Variants in SCFD2 observed in about 807,000 individuals in gnomAD.
SCFD2 encodes the protein sec1 family domain-containing protein 2.
Under a neutral mutation model 58.9 loss-of-function variants are expected in SCFD2, and 54 were observed. The observed-to-expected ratio is 0.92, with a 90% CI of 0.74 to 1.15. SCFD2 has a LOEUF of 1.15. Among genes scored for constraint, SCFD2 ranks in the 50% most tolerant of loss-of-function variants. The pLI, the probability that SCFD2 is intolerant of heterozygous loss-of-function variation, is 0.00. For missense variants in SCFD2, 805 were observed against 836.6 expected, an observed-to-expected ratio of 0.96 and a Z score of 0.47; for synonymous variants, 321 against 335.9, an observed-to-expected ratio of 0.96 and a Z score of 0.49.
rs569415948 is a variant in SCFD2 at position 52,893,706 on chromosome 4, T to C, written c.1843-7840A>G. Among the ~76,000 whole-genome samples the C allele has an allele frequency of 1.1e-3, 175 of 152,340 alleles. 1 individual carries two copies. The highest frequency in any genetic ancestry group is 2.5e-3 in the South Asian group (12 of 4,822). On this transcript the variant is annotated intron_variant, in intron 7 of 8. Transcript: ENST00000401642. ...AGGCCCTTCCCTGGGAATTCAGGCT[T>C]GACCTAAGATAGATAAGGTTCAGTC... is the stretch of plus-strand genomic sequence containing the variant.
intron 3 of SCFD2, among the ~76,000 whole-genome samples, chr4:53,301,080 G>T (rs1164956501): frequency 6.6e-6 from 1 of 151,996 alleles, no homozygotes; most frequent in East Asian, 1.9e-4. Flanking sequence ...GCTAGCAGAA[G>T]GCAAGAAATA....
In SCFD2 at chr4:53,097,852, T is replaced by C. The variant is rs186962175; in HGVS notation, c.1561+47481A>G. Among the ~76,000 whole-genome samples the C allele has an allele frequency of 4.6e-3, 702 of 152,326 alleles. 2 individuals are homozygous for C. The highest frequency in any genetic ancestry group is 0.016 in the African/African-American group (673 of 41,568). On this transcript the variant is annotated intron_variant, in intron 5 of 8. Coordinates refer to ENST00000401642, the MANE Select transcript of SCFD2 (RefSeq NM_152540.4). ...ATTCAGTATGATATTGGCTGTGGGT[T>C]TGTCATAAATAGCTCTTATTATTTT...
chr4:53,172,668 C>T (rs987328827), intron 4 of SCFD2, among the ~76,000 whole-genome samples: 7 of 152,054 alleles, frequency 4.6e-5, no homozygotes, highest in African/African-American at 1.7e-4. Context: ...TTTCCTGTTA[C>T]TGATTTCTAG....
chr4:53,149,734 G>C (rs1435962405), intron 4 of SCFD2, among the ~76,000 whole-genome samples: 1 of 152,126 alleles, frequency 6.6e-6, no homozygotes, highest in East Asian at 1.9e-4. Context: ...CATGTGATTT[G>C]ATGAGAATGG....
intron 4 of SCFD2, among the ~76,000 whole-genome samples, chr4:53,247,890 A>AT (rs1730159831): frequency 6.6e-6 from 1 of 151,360 alleles, no homozygotes; most frequent in Admixed American, 6.6e-5. Flanking sequence ...AAAAAAAAAA[A>AT]AAATAACAAG....
chr4:53,202,046 A>T (rs1177183579), intron 4 of SCFD2, among the ~76,000 whole-genome samples: 1 of 151,994 alleles, frequency 6.6e-6, no homozygotes, highest in Non-Finnish European at 1.5e-5. Context: ...CCCATTTCTC[A>T]ATTTTGGCTT....
chr4:53,062,882 C>T lies in SCFD2; in HGVS notation c.1561+82451G>A, dbSNP rs576739445. Among the ~76,000 whole-genome samples, 83 of 152,176 alleles carry T rather than the reference C, an allele frequency of 5.5e-4. No individual in the cohort carries two copies. In the South Asian group the frequency reaches 0.012, roughly 22 times the overall value. ...TTTGAGCACCATCCAGGGATTTAGT[C>T]TCTTGAGTAACAAAGCTGGCTTTAT... On this transcript the variant is annotated intron_variant, in intron 5 of 8. Coordinates refer to ENST00000401642, the MANE Select transcript of SCFD2 (RefSeq NM_152540.4).
At chr4:52,903,902 T>C (rs1719283325) in intron 7 of SCFD2, among the ~76,000 whole-genome samples, 1 of 152,208 alleles carries the variant, frequency 6.6e-6, no homozygotes, top group African/African-American at 2.4e-5. Flanking sequence ...TGGAGAAAGG[T>C]ACCTAATATG....
chr4:53,076,212 T>C (rs1301927863), intron 5 of SCFD2, among the ~76,000 whole-genome samples: 1 of 152,200 alleles, frequency 6.6e-6, no homozygotes, highest in East Asian at 1.9e-4. Flanking sequence ...CTGGGCTGGT[T>C]ATTCCATCCC....
intron 2 of SCFD2, among the ~76,000 whole-genome samples, chr4:53,348,913 G>T (rs1238975389): frequency 6.6e-6 from 1 of 151,756 alleles, no homozygotes; most frequent in African/African-American, 2.4e-5. Flanking sequence ...TAAAGATGGG[G>T]TTTCACCATG....
chr4:53,295,240 C>T (rs1010701581), intron 3 of SCFD2, among the ~76,000 whole-genome samples: 1 of 152,124 alleles, frequency 6.6e-6, no homozygotes, highest in Admixed American at 6.5e-5. Context: ...GCAGTATGAT[C>T]ATTTTCACAA....
chr4:53,128,300 C>A (rs1458791023), intron 5 of SCFD2, among the ~76,000 whole-genome samples: 1 of 152,130 alleles, frequency 6.6e-6, no homozygotes, highest in East Asian at 1.9e-4. Flanking sequence ...ATATAGCTGA[C>A]CTGATGTGTA....
chr4:53,149,074 G>A (rs567862064), intron 4 of SCFD2, among the ~76,000 whole-genome samples: 1 of 152,294 alleles, frequency 6.6e-6, no homozygotes, highest in East Asian at 1.9e-4. Flanking sequence ...AATAACTGTA[G>A]ACATGCATGT....
At chr4:53,267,622 G>A (rs79908368) in intron 4 of SCFD2, among the ~76,000 whole-genome samples, 28,222 of 152,046 alleles carry the variant, frequency 0.19, 2,927 homozygotes, top group Non-Finnish European at 0.24. Context: ...TCTCTGTGTT[G>A]CCAGGCTGGA....
chr4:53,207,873 C>T (rs1451971754), intron 4 of SCFD2, among the ~76,000 whole-genome samples: 1 of 151,166 alleles, frequency 6.6e-6, no homozygotes, highest in Admixed American at 6.6e-5. Context: ...GCTTCCTGTA[C>T]AGCCAGTGGA....
At chr4:52,955,745 GA>G (rs1720697389) in intron 5 of SCFD2, among the ~76,000 whole-genome samples, 1 of 152,234 alleles carries the variant, frequency 6.6e-6, no homozygotes, top group South Asian at 2.1e-4. Context: ...ATGTGGAACA[GA>G]AAAAATAATG....
intron 4 of SCFD2, among the ~76,000 whole-genome samples, chr4:53,147,856 G>A (rs1299394576): frequency 6.6e-6 from 1 of 152,188 alleles, no homozygotes; most frequent in Non-Finnish European, 1.5e-5. Flanking sequence ...TGCATTCAAA[G>A]CCATCCTGGG....
intron 5 of SCFD2, among the ~76,000 whole-genome samples, chr4:53,057,358 A>G (rs1394924841): frequency 6.6e-6 from 1 of 152,164 alleles, no homozygotes; most frequent in Non-Finnish European, 1.5e-5. Flanking sequence ...TGTCCTTTGC[A>G]GGGAAAAAGG....
At chr4:53,272,367 T>C (rs1731197556) in intron 4 of SCFD2, among the ~76,000 whole-genome samples, 2 of 152,138 alleles carry the variant, frequency 1.3e-5, no homozygotes, top group Admixed American at 1.3e-4. Context: ...ACCCAAAGGA[T>C]TAGAAATCAT....
Sources: allele counts gnomAD v4.1 joint callset (sites outside exome capture counted in the v4.1 genomes callset), GRCh38; gene constraint gnomAD v4.1.1; transcripts MANE v1.5; gene names NCBI Gene and HGNC (gene_info 2026-07-23, HGNC 2026-07-21).